Variants in IPMK observed in about 807,000 individuals in gnomAD.
IPMK encodes inositol 1,3,4,6-tetrakisphosphate 5-kinase.
In IPMK, 17 loss-of-function variants were observed where a neutral mutation model predicts 45.8. The ratio of observed to expected loss-of-function variants is 0.37; its 90% CI spans 0.25 to 0.56. The LOEUF is 0.56. Ranked by LOEUF, IPMK falls within the 20% of genes least tolerant of loss-of-function variation. The pLI is 0.79. For synonymous variants in IPMK, 180 were observed against 184.3 expected, an observed-to-expected ratio of 0.98 and a Z score of 0.19; for missense variants, 399 against 498.0, an observed-to-expected ratio of 0.80 and a Z score of 1.89.
At chr10:58,265,549 T>C (rs1325186617) in intron 1 of IPMK, among the ~76,000 whole-genome samples, 1 of 152,202 alleles carries the variant, frequency 6.6e-6, no homozygotes, top group Non-Finnish European at 1.5e-5. Context: ...ACAGTCAGGA[T>C]TGTATAACTA....
Position 58,196,712 on chromosome 10 carries a change from AAT to A in IPMK, c.629-16_629-15del, listed in dbSNP as rs762937469. 1.3e-6 allele frequency: 2 copies of A among 1,494,646 alleles called. No individual in the cohort carries two copies. The highest frequency in any genetic ancestry group is 2.8e-5 in the African/African-American group (2 of 70,870). 92.6% of individuals were successfully genotyped at this position (1,494,646 alleles called of 1,614,324 possible). The stretch of plus-strand genomic sequence containing the variant: ...ATCTGGAGACTCCTATAAAAAGAAA[AAT>A]ATGAGCGTTATAATCAAATTATGAA... On this transcript the variant is annotated splice_polypyrimidine_tract_variant and intron_variant, in intron 5 of 5. Coordinates refer to ENST00000373935, the MANE Select transcript of IPMK (RefSeq NM_152230.5).
chr10:58,243,738 C>T (rs887930178), intron 1 of IPMK, among the ~76,000 whole-genome samples: 61 of 152,336 alleles, frequency 4.0e-4, no homozygotes, highest in Admixed American at 1.4e-3. Context: ...CTCCCAGCCG[C>T]GTGCCTTGGC....
At chr10:58,217,825 G>T (rs1838270333) in intron 3 of IPMK, among the ~76,000 whole-genome samples, 2 of 151,826 alleles carry the variant, frequency 1.3e-5, no homozygotes, top group Admixed American at 6.6e-5. Context: ...GACAAATAAG[G>T]TTAGAGAAGG....
intron 1 of IPMK, among the ~76,000 whole-genome samples, chr10:58,247,613 C>G (rs998330677): frequency 7.8e-6 from 1 of 128,108 alleles, no homozygotes; most frequent in African/African-American, 4.0e-5. Context: ...AATGAGAACA[C>G]ATGGACACAG....
At position 58,215,970 on chromosome 10, in the gene IPMK, C is replaced by CA. The variant is rs371466395; in HGVS notation, c.546+174dup. On this transcript the variant is annotated intron_variant, in intron 4 of 5. Transcript: ENST00000373935. The stretch of plus-strand genomic sequence containing the variant: ...GAGAAACTGACCATATATCAGTGAA[C>CA]AAAAAAAAAAAATTTTTTAATCCTT... Among the ~76,000 whole-genome samples the CA allele has an allele frequency of 6.3e-3, 911 of 145,562 alleles. 9 individuals are homozygous for CA. Among genetic ancestry groups the CA allele is most frequent in the African/African-American group, 0.021 (850 of 40,232 alleles).
At chr10:58,197,326 A>AATACATACATACATACATAC (rs1554822222) in intron 5 of IPMK, among the ~76,000 whole-genome samples, 2 of 146,430 alleles carry the variant, frequency 1.4e-5, no homozygotes, top group South Asian at 2.1e-4. Flanking sequence ...TAAATAAATA[A>AATACATACATACATACATAC]ATACATAAAT....
chr10:58,204,591 C>A (rs1014227678), intron 4 of IPMK, among the ~76,000 whole-genome samples: 4 of 152,064 alleles, frequency 2.6e-5, no homozygotes, highest in Non-Finnish European at 2.9e-5. Flanking sequence ...CCCATGAGTT[C>A]AAGACTAGCC....
intron 3 of IPMK, among the ~76,000 whole-genome samples, chr10:58,223,692 C>G (rs531420276): frequency 1.9e-4 from 29 of 152,310 alleles, no homozygotes; most frequent in African/African-American, 7.0e-4. Context: ...TCTCTGTCCC[C>G]AACCAAATCT....
chr10:58,231,835 C>T (rs1023830999), intron 2 of IPMK, among the ~76,000 whole-genome samples: 4 of 152,128 alleles, frequency 2.6e-5, no homozygotes, highest in Non-Finnish European at 5.9e-5. Context: ...CAATATTAAC[C>T]TTAAATGTAA....
rs755070589 is a variant in IPMK, at chr10:58,267,622, A to T, written c.-11T>A. On this transcript the variant is annotated 5_prime_UTR_variant, in exon 1 of 6. Coordinates refer to ENST00000373935, the MANE Select transcript of IPMK (RefSeq NM_152230.5). ...TGGCTCTGTTGCCATAACGGAGAGCAGAAGCGGTAACGGCAGCGAGAGTAG... is the reference window on the plus strand; with the variant it reads ...TGGCTCTGTTGCCATAACGGAGAGCTGAAGCGGTAACGGCAGCGAGAGTAG... 1.3e-6 allele frequency: 2 copies of T among 1,575,242 alleles called. No homozygotes were observed. Among genetic ancestry groups the T allele is most frequent in the Admixed American group, 3.6e-5 (2 of 56,064 alleles).
intron 2 of IPMK, among the ~76,000 whole-genome samples, chr10:58,236,493 A>G (rs546999640): frequency 2.6e-4 from 39 of 152,320 alleles, no homozygotes; most frequent in Non-Finnish European, 3.8e-4. Context: ...ACAGAAATCT[A>G]TTTCTGTATT....
intron 1 of IPMK, among the ~76,000 whole-genome samples, chr10:58,239,430 A>G (rs1442038450): frequency 6.6e-6 from 1 of 152,232 alleles, no homozygotes; most frequent in Admixed American, 6.5e-5. Context: ...TTGAACTTTC[A>G]TAAGTAAGCA....
intron 2 of IPMK, among the ~76,000 whole-genome samples, chr10:58,229,279 G>T (rs1838469249): frequency 6.6e-6 from 1 of 152,102 alleles, no homozygotes; most frequent in Non-Finnish European, 1.5e-5. Context: ...ATCTAGGCCA[G>T]GCATGGTGGC....
At chr10:58,258,461 G>C (rs1170375549) in intron 1 of IPMK, among the ~76,000 whole-genome samples, 1 of 152,142 alleles carries the variant, frequency 6.6e-6, no homozygotes, top group Non-Finnish European at 1.5e-5. Context: ...TACCAAGATT[G>C]AGTATGTGCT....
At chr10:58,265,110 A>G (rs1321947391) in intron 1 of IPMK, among the ~76,000 whole-genome samples, 1 of 152,250 alleles carries the variant, frequency 6.6e-6, no homozygotes, top group Non-Finnish European at 1.5e-5. Flanking sequence ...TCAGTGAAGA[A>G]CACAAAATAT....
chr10:58,200,784 A>G (rs915709887), intron 4 of IPMK, among the ~76,000 whole-genome samples: 51 of 152,200 alleles, frequency 3.4e-4, no homozygotes, highest in Non-Finnish European at 1.8e-4. Flanking sequence ...GTAACTGATA[A>G]TAACTAGGGA....
chr10:58,227,330 T>C (rs551342622), intron 2 of IPMK, among the ~76,000 whole-genome samples, 191 bp from the exon 3 acceptor site: 1 of 152,346 alleles, frequency 6.6e-6, no homozygotes, highest in East Asian at 1.9e-4. Context: ...TACACTCTTC[T>C]TGGTTATCTA....
At chr10:58,247,735 G>A (rs574943230) in intron 1 of IPMK, among the ~76,000 whole-genome samples, 2 of 152,254 alleles carry the variant, frequency 1.3e-5, no homozygotes, top group South Asian at 2.1e-4. Flanking sequence ...CAGCACAACA[G>A]CATGGCACAT....
chr10:58,197,788 T>C (rs991884418), intron 5 of IPMK, among the ~76,000 whole-genome samples: 2 of 152,196 alleles, frequency 1.3e-5, no homozygotes, highest in Admixed American at 6.5e-5. Flanking sequence ...ATCCCAGCAC[T>C]TTCGGAGGCA....
Sources: gnomAD v4.1 joint callset for allele counts (sites outside exome capture counted in the v4.1 genomes callset) on GRCh38, gnomAD v4.1.1 for gene constraint, MANE v1.5 for transcripts, NCBI Gene and HGNC (gene_info 2026-07-23, HGNC 2026-07-21) for gene names.